The following SHTN1 variants were observed in gnomAD, a reference collection of about 807,000 sequenced individuals.
SHTN1 encodes the protein shootin 1, also known as shootin-1.
In SHTN1, 42 loss-of-function variants were observed where a neutral mutation model predicts 83.1. That is an observed-to-expected ratio of 0.51 (90% confidence interval 0.39 to 0.65). SHTN1 has a LOEUF of 0.65. Ranked by LOEUF, SHTN1 falls within the 30% of genes least tolerant of loss-of-function variation. The pLI is 0.00. For synonymous variants in SHTN1, 224 were observed against 247.7 expected (o/e 0.90, Z 0.90); for missense variants, 622 against 737.8 (o/e 0.84, Z 1.82).
intron 2 of SHTN1, among the ~76,000 whole-genome samples, chr10:116,971,218 TC>T (rs1850606514): frequency 6.6e-6 from 1 of 151,968 alleles, no homozygotes; most frequent in Non-Finnish European, 1.5e-5. Flanking sequence ...TGACTCAGGA[TC>T]CCCCACCCAG....
At chr10:117,070,320 T>C (rs1423439900) in intron 1 of SHTN1, among the ~76,000 whole-genome samples, 1 of 152,114 alleles carries the variant, frequency 6.6e-6, no homozygotes, top group Admixed American at 6.5e-5. Context: ...ATTAAAAAAT[T>C]TGATAACTCC....
chr10:116,885,793 A>T lies in SHTN1; in HGVS notation c.*551T>A, dbSNP rs1847146966. On this transcript the variant is annotated 3_prime_UTR_variant, in exon 17 of 17. Transcript: ENST00000355371. ...TGTAATTAACACTGACTATGGGACT[A>T]CGAGTTTGATGCCAGCTCCTGAGTT... is the stretch of plus-strand genomic sequence containing the variant. 6.5e-6 allele frequency: 1 copy of T among 154,428 alleles called. No homozygotes were observed. Among genetic ancestry groups the T allele is most frequent in the South Asian group, 2.0e-4 (1 of 4,960 alleles). 9.6% of individuals were successfully genotyped at this position (154,428 alleles called of 1,614,324 possible). A position where few individuals can be genotyped will look rare whatever the true frequency, so the allele number is the denominator to read the frequency against.
chr10:117,079,826 A>G (rs1303778311), intron 1 of SHTN1, among the ~76,000 whole-genome samples: 1 of 148,078 alleles, frequency 6.8e-6, no homozygotes, highest in African/African-American at 2.5e-5. Context: ...TTGGCTGCAT[A>G]AATGTCTTCT....
intron 2 of SHTN1, among the ~76,000 whole-genome samples, chr10:117,045,915 A>G (rs904133086): frequency 6.6e-6 from 1 of 152,208 alleles, no homozygotes; most frequent in South Asian, 2.1e-4. Flanking sequence ...TAAGGTAAGC[A>G]GACAGATAAA....
At chr10:116,990,892 G>A (rs1393290957) in intron 1 of SHTN1, among the ~76,000 whole-genome samples, 1 of 151,954 alleles carries the variant, frequency 6.6e-6, no homozygotes, top group Admixed American at 6.6e-5. Context: ...GCCTTAAAGG[G>A]CTTCTTGGTT....
At chr10:116,993,333 A>G (rs1176145447) in intron 1 of SHTN1, among the ~76,000 whole-genome samples, 2 of 152,012 alleles carry the variant, frequency 1.3e-5, no homozygotes, top group African/African-American at 4.8e-5. Context: ...ATGTTTTCAT[A>G]TATGTTGTAG....
intron 2 of SHTN1, among the ~76,000 whole-genome samples, chr10:117,036,368 A>G (rs756108467): frequency 4.3e-4 from 65 of 152,228 alleles, no homozygotes; most frequent in Non-Finnish European, 7.8e-4. Flanking sequence ...GCAATAGCCA[A>G]GATTTGGAAG....
At chr10:116,944,006 CA>C (rs528832856) in intron 8 of SHTN1, among the ~76,000 whole-genome samples, 138 of 152,228 alleles carry the variant, frequency 9.1e-4, no homozygotes, top group African/African-American at 3.2e-3. Flanking sequence ...TGATCTCTAA[CA>C]TAAGAGGAAG....
At chr10:117,116,418 A>G (rs1485901222) in intron 1 of SHTN1, among the ~76,000 whole-genome samples, 1 of 152,190 alleles carries the variant, frequency 6.6e-6, no homozygotes, top group African/African-American at 2.4e-5. Flanking sequence ...TGGAGGCCAT[A>G]ATAAAAAGTC....
chr10:117,072,139 A>C (rs1030472631), intron 1 of SHTN1, among the ~76,000 whole-genome samples: 1 of 152,212 alleles, frequency 6.6e-6, no homozygotes, highest in African/African-American at 2.4e-5. Flanking sequence ...TGGGAAAAGA[A>C]TAGACTGGCC....
At chr10:117,025,314 C>T (rs1022150065) in intron 2 of SHTN1, among the ~76,000 whole-genome samples, 1 of 152,182 alleles carries the variant, frequency 6.6e-6, no homozygotes, top group Non-Finnish European at 1.5e-5. Context: ...AAACCAAACT[C>T]AGCTGATGCT....
intron 4 of SHTN1, among the ~76,000 whole-genome samples, chr10:116,958,344 A>AT (rs1041846858): frequency 2.6e-5 from 4 of 152,118 alleles, no homozygotes; most frequent in South Asian, 2.1e-4. Context: ...CATTTTTTAA[A>AT]TTTTTTTCTA....
chr10:116,970,002 T>C (rs974627470), intron 2 of SHTN1, among the ~76,000 whole-genome samples: 27 of 152,208 alleles, frequency 1.8e-4, no homozygotes, highest in African/African-American at 4.8e-4. Context: ...ACCTGCCATA[T>C]AAATATATAG....
At chr10:116,952,028 A>G in intron 5 of SHTN1, 22 bp from the exon 6 acceptor site, 1 of 1,249,314 alleles carries the variant, frequency 8.0e-7, no homozygotes, top group Non-Finnish European at 1.1e-6. Flanking sequence ...AAGAAAAAAA[A>G]TATATAAATA....
intron 2 of SHTN1, among the ~76,000 whole-genome samples, chr10:117,014,464 G>GT (rs1564931079): frequency 2.0e-5 from 3 of 152,148 alleles, no homozygotes; most frequent in African/African-American, 7.2e-5. Context: ...ACTGGACACC[G>GT]TAAGGCTGAA....
chr10:116,968,561 G>T, intron 3 of SHTN1, 91 bp downstream of exon 3: 1 of 863,774 alleles, frequency 1.2e-6, no homozygotes, highest in Non-Finnish European at 1.8e-6. Flanking sequence ...GTATGACCAG[G>T]ACATTAGCAA....
chr10:117,109,939 GTC>G (rs1484621884), intron 1 of SHTN1, among the ~76,000 whole-genome samples: 20 of 152,042 alleles, frequency 1.3e-4, no homozygotes, highest in African/African-American at 4.1e-4. Flanking sequence ...ATAATTATCT[GTC>G]TCTGTCAATT....
At chr10:116,945,379 ATAT>A (rs1019215083) in intron 7 of SHTN1, among the ~76,000 whole-genome samples, 1 of 152,242 alleles carries the variant, frequency 6.6e-6, no homozygotes, top group African/African-American at 2.4e-5. Flanking sequence ...AGTACAAGAA[ATAT>A]TATTCTGCCA....
intron 2 of SHTN1, among the ~76,000 whole-genome samples, chr10:117,017,787 C>T (rs980206320): frequency 2.6e-5 from 4 of 152,042 alleles, no homozygotes; most frequent in South Asian, 4.1e-4. Context: ...TCCTAGCAGA[C>T]GGCAGTTTAA....
Sources: gnomAD v4.1 joint callset for allele counts (sites outside exome capture counted in the v4.1 genomes callset) on GRCh38, gnomAD v4.1.1 for gene constraint, MANE v1.5 for transcripts, NCBI Gene and HGNC (gene_info 2026-07-23, HGNC 2026-07-21) for gene names.